Variants in REPS1 observed in about 807,000 individuals in gnomAD.
REPS1 encodes the protein ralBP1-associated Eps domain-containing protein 1.
Under a neutral mutation model 100.9 loss-of-function variants are expected in REPS1, and 39 were observed. The observed-to-expected ratio is 0.39, with a 90% CI of 0.30 to 0.50. The LOEUF is 0.50. Among genes scored for constraint, REPS1 ranks in the 20% least tolerant of loss-of-function variants. The pLI, the probability that REPS1 is intolerant of heterozygous loss-of-function variation, is 0.86. For synonymous variants in REPS1, 324 were observed against 340.3 expected (o/e 0.95, Z 0.53); for missense variants, 821 against 968.5 (o/e 0.85, Z 2.02).
intron 8 of REPS1, among the ~76,000 whole-genome samples, chr6:138,935,914 G>T (rs1285967457): frequency 1.4e-5 from 2 of 146,656 alleles, no homozygotes; most frequent in Admixed American, 6.8e-5. Context: ...TACTTTTTTT[G>T]GGGGTATAAT....
intron 17 of REPS1, among the ~76,000 whole-genome samples, chr6:138,909,245 C>T (rs1779854927): frequency 6.6e-6 from 1 of 152,106 alleles, no homozygotes; most frequent in South Asian, 2.1e-4. Context: ...GAAAGCTAGG[C>T]AACTCTTTAA....
chr6:138,987,935 G>T lies in REPS1; in HGVS notation c.-253C>A. 1 of 324,614 alleles carries T rather than the reference G, an allele frequency of 3.1e-6. No homozygotes were observed. The allele number at this position is 324,614 out of a possible 1,614,324, so 20.1% of individuals were successfully genotyped here. A position where few individuals can be genotyped will look rare whatever the true frequency, so the allele number is the denominator to read the frequency against. On this transcript the variant is annotated 5_prime_UTR_variant, in exon 1 of 20. Coordinates refer to ENST00000450536, the MANE Select transcript of REPS1 (RefSeq NM_001286611.2). ...GGCTGCGGCTGCGGCTGCGACTACG[G>T]CTCCGGCTCCGGCTCCGGCTCCGGC... is the stretch of plus-strand genomic sequence containing the variant.
chr6:138,954,834 T>C (rs1783270941), intron 1 of REPS1, among the ~76,000 whole-genome samples: 1 of 152,210 alleles, frequency 6.6e-6, no homozygotes, highest in Admixed American at 6.5e-5. Flanking sequence ...AACACTTCCT[T>C]TCATATACTC....
At chr6:138,977,439 T>G (rs973176698) in intron 1 of REPS1, among the ~76,000 whole-genome samples, 2 of 152,250 alleles carry the variant, frequency 1.3e-5, no homozygotes, top group African/African-American at 2.4e-5. Flanking sequence ...GCTTAAGCTA[T>G]CCTCTTTCCT....
chr6:138,905,693 A>G (rs1779599852), intron 19 of REPS1, among the ~76,000 whole-genome samples: 2 of 152,222 alleles, frequency 1.3e-5, no homozygotes, highest in Non-Finnish European at 2.9e-5. Context: ...TAGTTTTTAG[A>G]AAAGTCACTG....
At position 138,973,442 on chromosome 6, in the gene REPS1, G is replaced by C. The variant is rs146243518; in HGVS notation, c.153+14088C>G. ...TTCATCATAGGAAGAATTTGCTCTG[G>C]ATCCCAAGAAAAAATACAGTAAGTT... On this transcript the variant is annotated intron_variant, in intron 1 of 19. Transcript: ENST00000450536. Among the ~76,000 whole-genome samples, 83 of 151,888 alleles carry C rather than the reference G, an allele frequency of 5.5e-4. 1 individual carries two copies. The highest frequency in any genetic ancestry group is 1.8e-3 in the African/African-American group (75 of 41,408).
At position 138,915,881 on chromosome 6, in the gene REPS1, T is replaced by C; in HGVS notation, c.1697A>G (p.Asn566Ser). The C allele has an allele frequency of 6.2e-7, 1 of 1,612,462 alleles. No homozygotes were observed. Among genetic ancestry groups the C allele is most frequent in the Non-Finnish European group, 8.5e-7 (1 of 1,178,464 alleles). Residue 566 changes from asparagine (N) to serine (S), a missense_variant, in exon 14 of 20, where the codon AAT becomes AGT. By Grantham distance (46) the Asn-to-Ser change is conservative (BLOSUM62 1). Around this residue, in one of 3 missense-constraint regions of REPS1, gnomAD observed 757 missense variants for 866.4 expected, o/e 0.87. Transcript: ENST00000450536. ...SHSRSSSLDM[N>S]RTFTVTTGQQ... is the part of the protein sequence containing the mutation. ...ACCTGTGGTGACTGTAAAGGTCCGATTCATATCTAAAGATGATGATCTAGA... is the reference window on the plus strand; with the variant it reads ...ACCTGTGGTGACTGTAAAGGTCCGACTCATATCTAAAGATGATGATCTAGA...
intron 9 of REPS1, 53 bp from the exon 10 acceptor site, chr6:138,926,534 G>A: frequency 8.0e-7 from 1 of 1,242,856 alleles, no homozygotes; most frequent in Non-Finnish European, 1.2e-6. Flanking sequence ...TGGAGTAAAA[G>A]ATCACTGGAG....
chr6:138,957,596 G>T (rs1046780711), intron 1 of REPS1, among the ~76,000 whole-genome samples: 15 of 152,066 alleles, frequency 9.9e-5, no homozygotes, highest in African/African-American at 3.6e-4. Flanking sequence ...CAAGAAAACA[G>T]AGAAAAAAAG....
At chr6:138,952,807 G>A (rs1783121043) in intron 1 of REPS1, among the ~76,000 whole-genome samples, 1 of 151,350 alleles carries the variant, frequency 6.6e-6, no homozygotes, top group African/African-American at 2.4e-5. Flanking sequence ...GAAATATGGA[G>A]ATACAGACAG....
At chr6:138,974,722 A>C (rs1458293943) in intron 1 of REPS1, among the ~76,000 whole-genome samples, 1 of 152,184 alleles carries the variant, frequency 6.6e-6, no homozygotes. Context: ...ACAATATCAG[A>C]GTTAATTAAC....
intron 17 of REPS1, 44 bp from the exon 18 acceptor site, chr6:138,908,860 A>T: frequency 6.3e-7 from 1 of 1,583,060 alleles, no homozygotes; most frequent in Non-Finnish European, 8.6e-7. Context: ...TTTTGAAGAC[A>T]TTCATAGTTA....
chr6:138,934,258 A>C (rs1781662743), intron 8 of REPS1: 1 of 463,870 alleles, frequency 2.2e-6, no homozygotes, highest in African/African-American at 2.0e-5. Context: ...CTCCTGCTGG[A>C]ACACTGTGTC....
At chr6:138,958,508 C>T (rs1489794111) in intron 1 of REPS1, among the ~76,000 whole-genome samples, 1 of 82,888 alleles carries the variant, frequency 1.2e-5, no homozygotes, top group Non-Finnish European at 2.0e-5. Flanking sequence ...GCCCCCCACT[C>T]CCCAACAGGC....
chr6:138,940,694 C>T (rs59468658), intron 8 of REPS1, among the ~76,000 whole-genome samples: 105 of 150,104 alleles, frequency 7.0e-4, no homozygotes, highest in African/African-American at 2.5e-3. Flanking sequence ...TGCAGTGAGC[C>T]GAGATCGTGC....
At chr6:138,907,297 TAAAA>T in intron 19 of REPS1, 194 bp downstream of exon 19, 2 of 170,204 alleles carry the variant, frequency 1.2e-5, no homozygotes, top group Non-Finnish European at 1.1e-5. Flanking sequence ...CGTGTCTCTT[TAAAA>T]AAAAAAAAAA....
chr6:138,962,033 T>C (rs999867854), intron 1 of REPS1, among the ~76,000 whole-genome samples: 1 of 152,230 alleles, frequency 6.6e-6, no homozygotes. Flanking sequence ...GAATTTTCTA[T>C]AATATATTCC....
Position 138,914,738 on chromosome 6 carries a change from C to T in REPS1, c.1744G>A (p.Ala582Thr), listed in dbSNP as rs568965502. 1 of 1,611,978 alleles carries T rather than the reference C, an allele frequency of 6.2e-7. No homozygotes were observed. Among genetic ancestry groups the T allele is most frequent in the Non-Finnish European group, 8.5e-7 (1 of 1,179,458 alleles). Residue 582 changes from alanine to threonine, a missense_variant, in exon 15 of 20, where the codon GCC (alanine) becomes ACC (threonine). Physicochemically the swap from Ala to Thr is moderately conservative, Grantham distance 58 (BLOSUM62 0). Transcript: ENST00000450536. ...CTTGGAGGCACTGCAGGAGGATGGG[C>T]AACAACTCCAGCCTGTTGTTGTCCT... ...TTGQQQAGVV[A>T]HPPAVPPRPQ... is the part of the protein sequence containing the mutation.
intron 7 of REPS1, among the ~76,000 whole-genome samples, 193 bp from the exon 8 acceptor site, chr6:138,941,682 T>C (rs894464140): frequency 2.6e-5 from 4 of 152,214 alleles, no homozygotes; most frequent in Non-Finnish European, 4.4e-5. Context: ...TGGTAGTATA[T>C]GAATGCTTAT....
Sources: gnomAD v4.1 joint callset for allele counts (sites outside exome capture counted in the v4.1 genomes callset) on GRCh38, gnomAD v4.1.1 for gene constraint, gnomAD v4.1.1 regional missense constraint, MANE v1.5 for transcripts, NCBI Gene and HGNC (gene_info 2026-07-23, HGNC 2026-07-21) for gene names.